Variants in RAB11FIP4 observed in about 807,000 individuals in gnomAD.
The protein encoded by RAB11FIP4 is RAB11 family interacting protein 4.
A neutral mutation model predicts 74.3 loss-of-function variants in RAB11FIP4; 23 were observed. That is an observed-to-expected ratio of 0.31 (90% CI 0.22 to 0.44). RAB11FIP4 has a LOEUF of 0.44. Ranked by LOEUF, RAB11FIP4 falls within the 20% of genes least tolerant of loss-of-function variation. The probability of loss-of-function intolerance (pLI) is 1.00; values close to 1 mark genes in which losing one functional copy is unlikely to be tolerated. For missense variants in RAB11FIP4, 630 were observed against 863.9 expected (o/e 0.73, Z 3.39); for synonymous variants, 360 against 359.9 (o/e 1.00, Z 0.00).
At chr17:31,456,499 G>T (rs921359374) in intron 3 of RAB11FIP4, among the ~76,000 whole-genome samples, 1 of 152,188 alleles carries the variant, frequency 6.6e-6, no homozygotes, top group South Asian at 2.1e-4. Flanking sequence ...GGGCCACCCT[G>T]CTGGCCCCTA....
At chr17:31,440,748 G>A (rs779941839) in intron 3 of RAB11FIP4, among the ~76,000 whole-genome samples, 19 of 152,138 alleles carry the variant, frequency 1.2e-4, no homozygotes, top group African/African-American at 1.7e-4. Flanking sequence ...AAGCCTTGGC[G>A]ACAAAGTGAG....
rs986857204 is a variant in RAB11FIP4, at chr17:31,535,585, A to T, written c.*3853A>T. The T allele has an allele frequency of 6.6e-6, 1 of 152,208 alleles. No individual in the cohort carries two copies. The highest frequency in any genetic ancestry group is 2.4e-5 in the African/African-American group (1 of 41,432). The allele number at this position is 152,208 out of a possible 1,614,324, so 9.4% of individuals were successfully genotyped here. A position where few individuals can be genotyped will look rare whatever the true frequency, so the allele number is the denominator to read the frequency against. ...AATGACAGTGAGCTCTCTTGCTGGG[A>T]GGGTTCCTTTTCCTGTTGTTGAATG... is the stretch of plus-strand genomic sequence containing the variant. On this transcript the variant is annotated 3_prime_UTR_variant, in exon 15 of 15. Coordinates refer to ENST00000621161, the MANE Select transcript of RAB11FIP4 (RefSeq NM_032932.6).
At chr17:31,480,633 A>G (rs1247117050) in intron 3 of RAB11FIP4, among the ~76,000 whole-genome samples, 1 of 151,732 alleles carries the variant, frequency 6.6e-6, no homozygotes, top group Non-Finnish European at 1.5e-5. Context: ...ACTAAAAATA[A>G]AAAAATTAGC....
intron 3 of RAB11FIP4, 73 bp from the exon 4 acceptor site, chr17:31,517,578 T>C (rs1478448389): frequency 1.4e-6 from 2 of 1,427,766 alleles, no homozygotes; most frequent in Non-Finnish European, 1.9e-6. Flanking sequence ...GCTGATGCCC[T>C]TGTGGTCTGA....
At chr17:31,393,452 T>C (rs736598) in intron 1 of RAB11FIP4, among the ~76,000 whole-genome samples, 76,118 of 152,014 alleles carry the variant, frequency 0.5, 20,681 homozygotes, top group Middle Eastern at 0.62. Context: ...GTCCCCGAAC[T>C]CAGAGCCTCA....
At chr17:31,506,749 G>A (rs2072357629) in intron 3 of RAB11FIP4, among the ~76,000 whole-genome samples, 1 of 152,060 alleles carries the variant, frequency 6.6e-6, no homozygotes, top group Non-Finnish European at 1.5e-5. Flanking sequence ...ATTCCATTGT[G>A]TATATATACA....
chr17:31,524,902 A>C, intron 9 of RAB11FIP4, 188 bp from the exon 10 acceptor site: 1 of 694,462 alleles, frequency 1.4e-6, no homozygotes, highest in South Asian at 1.8e-5. Flanking sequence ...CCTCCATGGC[A>C]TGTGTGACCG....
At chr17:31,475,407 C>T (rs1048219524) in intron 3 of RAB11FIP4, among the ~76,000 whole-genome samples, 9 of 152,190 alleles carry the variant, frequency 5.9e-5, no homozygotes, top group East Asian at 1.9e-4. Flanking sequence ...GCTGTCAAGA[C>T]GTGGTAGGTT....
chr17:31,508,470 G>T (rs1172005522), intron 3 of RAB11FIP4, among the ~76,000 whole-genome samples: 1 of 152,220 alleles, frequency 6.6e-6, no homozygotes, highest in Non-Finnish European at 1.5e-5. Flanking sequence ...CTGGGAGTGG[G>T]TGCTACGTGA....
intron 3 of RAB11FIP4, among the ~76,000 whole-genome samples, chr17:31,500,859 C>T (rs765397253): frequency 9.1e-4 from 139 of 152,096 alleles, no homozygotes; most frequent in Non-Finnish European, 6.6e-4. Context: ...CCCGTCTCTA[C>T]TAAAAATACA....
At chr17:31,503,102 G>A (rs1216444716) in intron 3 of RAB11FIP4, among the ~76,000 whole-genome samples, 1 of 151,962 alleles carries the variant, frequency 6.6e-6, no homozygotes, top group East Asian at 1.9e-4. Flanking sequence ...GCACTATCTC[G>A]GCTCACTGCA....
chr17:31,522,055 G>C lies in RAB11FIP4; in HGVS notation c.893+6G>C, dbSNP rs750202712. Reference sequence around the variant, plus strand: ...AAAAACCTGAAGGCCAACAGGTGAGGCCCAGGCCCAGCTGGGGGGTGAGAG... The same window carrying C: ...AAAAACCTGAAGGCCAACAGGTGAGCCCCAGGCCCAGCTGGGGGGTGAGAG... On this transcript the variant is annotated splice_donor_region_variant and intron_variant, in intron 6 of 14. Transcript: ENST00000621161. The C allele has an allele frequency of 5.6e-6, 9 of 1,613,834 alleles. No individual in the cohort carries two copies. The African/African-American group carries it at 8.0e-5, about 14-fold the overall frequency.
chr17:31,456,368 A>G (rs2071578695), intron 3 of RAB11FIP4, among the ~76,000 whole-genome samples: 1 of 152,044 alleles, frequency 6.6e-6, no homozygotes, highest in Non-Finnish European at 1.5e-5. Flanking sequence ...CACCACTCTC[A>G]GTTAACGTTT....
At chr17:31,392,174 C>A in intron 1 of RAB11FIP4, 163 bp downstream of exon 1, 1 of 516,280 alleles carries the variant, frequency 1.9e-6, no homozygotes. Flanking sequence ...CCCGGGTATC[C>A]CTGGCCCAGC....
At chr17:31,418,463 A>T (rs1485924097) in intron 1 of RAB11FIP4, among the ~76,000 whole-genome samples, 5 of 134,260 alleles carry the variant, frequency 3.7e-5, no homozygotes, top group African/African-American at 1.1e-4. Context: ...AGTTCCCTTG[A>T]TTTTTTTTTT....
intron 1 of RAB11FIP4, among the ~76,000 whole-genome samples, chr17:31,404,967 G>C (rs1396408347): frequency 1.3e-5 from 2 of 152,182 alleles, no homozygotes; most frequent in African/African-American, 2.4e-5. Context: ...CAGGGGTGGA[G>C]GGGCTGACCA....
At chr17:31,492,501 A>C (rs11650620) in intron 3 of RAB11FIP4, among the ~76,000 whole-genome samples, 102,978 of 151,926 alleles carry the variant, frequency 0.68, 35,163 homozygotes, top group African/African-American at 0.74. Flanking sequence ...AGCACATGTT[A>C]TCCTGGGAGG....
At chr17:31,421,555 CTTTT>C (rs35537135) in intron 1 of RAB11FIP4, among the ~76,000 whole-genome samples, 3 of 102,392 alleles carry the variant, frequency 2.9e-5, no homozygotes, top group Admixed American at 1.0e-4. Flanking sequence ...AGTCACAGGA[CTTTT>C]TTTTTTTTTT....
At position 31,512,196 on chromosome 17, in the gene RAB11FIP4, C is replaced by G. The variant is rs943365081; in HGVS notation, c.337-5455C>G. ...ATAGCTCACCCTCTGTTGCCTGTAG[C>G]CCCTCGTGAGGCCAGGTCAGAATTT... On this transcript the variant is annotated intron_variant, in intron 3 of 14. Coordinates refer to ENST00000621161, the MANE Select transcript of RAB11FIP4 (RefSeq NM_032932.6). The surrounding 1 kb of genome is among the most constrained non-coding windows in gnomAD (Gnocchi z 4.1). Among the ~76,000 whole-genome samples, 3 of 152,216 alleles carry G rather than the reference C, an allele frequency of 2.0e-5. No homozygotes were observed. The highest frequency in any genetic ancestry group is 4.4e-5 in the Non-Finnish European group (3 of 68,030).
Sources: gnomAD v4.1 joint callset for allele counts (sites outside exome capture counted in the v4.1 genomes callset) on GRCh38, gnomAD v4.1.1 for gene constraint, Gnocchi (gnomAD v3.1) non-coding constraint, MANE v1.5 for transcripts, NCBI Gene and HGNC (gene_info 2026-07-23, HGNC 2026-07-21) for gene names.